UBE2W: variants seen among roughly 807,000 people sequenced by gnomAD.
UBE2W encodes ubiquitin-conjugating enzyme E2 W.
Under a neutral mutation model 27.2 loss-of-function variants are expected in UBE2W, and 18 were observed. The ratio of observed to expected loss-of-function variants is 0.66; its 90% CI spans 0.46 to 0.98. The LOEUF (loss-of-function observed/expected upper bound fraction) is 0.98, where lower values mean the gene tolerates loss of function less well. UBE2W is among the 50% of genes least tolerant of loss of function. The probability of loss-of-function intolerance (pLI) is 0.00; values close to 1 mark genes in which losing one functional copy is unlikely to be tolerated. For synonymous variants in UBE2W, 53 were observed against 57.2 expected (o/e 0.93, Z 0.33); for missense variants, 90 against 180.2 (o/e 0.50, Z 2.87).
intron 1 of UBE2W, among the ~76,000 whole-genome samples, chr8:73,868,259 A>G (rs1363870877): frequency 1.3e-5 from 2 of 152,194 alleles, no homozygotes; most frequent in Non-Finnish European, 1.5e-5. Context: ...TTAATCAATC[A>G]TGCCTAAGTA....
rs1277856074 is a variant in UBE2W, at chr8:73,786,772, A to C, written c.*7330T>G. 7.5e-5 allele frequency: 74 copies of C among 985,296 alleles called. No individual in the cohort carries two copies. The highest frequency in any genetic ancestry group is 8.4e-5 in the Non-Finnish European group (70 of 829,892). The allele number at this position is 985,296 out of a possible 1,614,324, so 61.0% of individuals were successfully genotyped here. A position where few individuals can be genotyped will look rare whatever the true frequency, so the allele number is the denominator to read the frequency against. ...ACTGGAGAGAAGGTAGAAATCTCAG[A>C]GACATTTTAAAGTTACACTCAACAG... On this transcript the variant is annotated 3_prime_UTR_variant, in exon 6 of 6. Coordinates refer to ENST00000602593, the MANE Select transcript of UBE2W (RefSeq NM_018299.6).
rs868313607 is a variant in UBE2W, at chr8:73,792,255, T to C, written c.*1847A>G. ...ATTGTGAGAATTTATCTAGTCAAGA[T>C]AGAACAAAAACGGTTATAATTTTTT... On this transcript the variant is annotated 3_prime_UTR_variant, in exon 6 of 6. Transcript: ENST00000602593. The C allele has an allele frequency of 1.8e-5, 18 of 985,528 alleles. No homozygotes were observed. The highest frequency in any genetic ancestry group is 5.2e-4 in the Middle Eastern group (1 of 1,934). The allele number at this position is 985,528 out of a possible 1,614,324, so 61.0% of individuals were successfully genotyped here.
chr8:73,798,697 C>T (rs2130852100), intron 5 of UBE2W, among the ~76,000 whole-genome samples: 1 of 152,312 alleles, frequency 6.6e-6, no homozygotes, highest in African/African-American at 2.4e-5. Flanking sequence ...TTTTTATGGT[C>T]TCACAAAGAG....
At chr8:73,824,492 G>A (rs1586482040) in intron 3 of UBE2W, among the ~76,000 whole-genome samples, 1 of 152,156 alleles carries the variant, frequency 6.6e-6, no homozygotes, top group East Asian at 1.9e-4. Context: ...TCTACCATCT[G>A]ACCTAGGAGA....
chr8:73,850,040 A>C (rs984632066), intron 1 of UBE2W, among the ~76,000 whole-genome samples: 1 of 152,186 alleles, frequency 6.6e-6, no homozygotes, highest in African/African-American at 2.4e-5. Flanking sequence ...AGAAGATTTT[A>C]GTAACACCTC....
chr8:73,833,587 T>C (rs1810183298), intron 1 of UBE2W, among the ~76,000 whole-genome samples: 2 of 152,140 alleles, frequency 1.3e-5, no homozygotes, highest in African/African-American at 2.4e-5. Flanking sequence ...TTTGTACAGC[T>C]TTTATTGTAC....
intron 1 of UBE2W, among the ~76,000 whole-genome samples, chr8:73,857,111 A>C (rs187187978): frequency 7.2e-5 from 11 of 152,300 alleles, no homozygotes; most frequent in African/African-American, 2.6e-4. Context: ...TTTTTAATTC[A>C]AGGAAGAAAG....
intron 4 of UBE2W, among the ~76,000 whole-genome samples, chr8:73,809,184 G>A (rs907907507): frequency 1.3e-5 from 2 of 151,942 alleles, no homozygotes; most frequent in African/African-American, 4.8e-5. Context: ...CAACAAATGA[G>A]TAAAAAAACA....
rs555422934 is a variant in UBE2W, at chr8:73,865,132, T to C, written c.15+13676A>G. 2.2e-5 allele frequency among the ~76,000 whole-genome samples: 3 copies of C among 136,410 alleles called. No individual in the cohort carries two copies. In the South Asian group the frequency reaches 6.7e-4, roughly 30 times the overall value. 89.5% of individuals were successfully genotyped at this position (136,410 alleles called of 152,430 possible). On this transcript the variant is annotated intron_variant, in intron 1 of 5. Transcript: ENST00000602593. ...TCTTGTTTGACCTCAGCTGGGAGTG[T>C]GTGCATAGAATGACAAATTCTTCAC...
intron 1 of UBE2W, among the ~76,000 whole-genome samples, chr8:73,868,675 C>G (rs1401574409): frequency 1.3e-5 from 2 of 150,400 alleles, no homozygotes; most frequent in Non-Finnish European, 2.9e-5. Flanking sequence ...TGCAGAACAC[C>G]CAGCTGGTGT....
intron 1 of UBE2W, among the ~76,000 whole-genome samples, chr8:73,873,012 T>C (rs1212641791): frequency 6.6e-6 from 1 of 151,940 alleles, no homozygotes; most frequent in African/African-American, 2.4e-5. Flanking sequence ...CCCAAGGGAT[T>C]CTCCTGCCTC....
chr8:73,849,512 C>CAAAAAAAAAAAA (rs71269951), intron 1 of UBE2W, among the ~76,000 whole-genome samples: 1 of 22,772 alleles, frequency 4.4e-5, no homozygotes, highest in African/African-American at 1.5e-4. Flanking sequence ...AACTCCATCT[C>CAAAAAAAAAAAA]AAAAAAAAAA....
At chr8:73,876,450 T>G (rs189110727) in intron 1 of UBE2W, among the ~76,000 whole-genome samples, 7 of 152,138 alleles carry the variant, frequency 4.6e-5, no homozygotes, top group Non-Finnish European at 7.4e-5. Context: ...GCACTAGATA[T>G]TTTAAAATAC....
chr8:73,859,904 C>G (rs118097234), intron 1 of UBE2W, among the ~76,000 whole-genome samples: 2,285 of 152,288 alleles, frequency 0.015, 23 homozygotes, highest in Non-Finnish European at 0.023. Context: ...ACTCCCATCT[C>G]CCCTAAGCAC....
rs186624376 is a variant in UBE2W, at chr8:73,803,088, G to T, written c.442+2563C>A. ...AAAAATCAGCTGGGCATGGTGGCGC[G>T]CCTGTAATCCCAGCTACTAGGGAGG... On this transcript the variant is annotated intron_variant, in intron 5 of 5. Transcript: ENST00000602593. 2.0e-5 allele frequency among the ~76,000 whole-genome samples: 3 copies of T among 151,880 alleles called. 1 individual carries two copies. In the East Asian group the frequency reaches 5.8e-4, roughly 29 times the overall value.
Position 73,861,972 on chromosome 8 carries a change from G to A in UBE2W, c.15+16836C>T, listed in dbSNP as rs1811551358. Among the ~76,000 whole-genome samples, 3 of 152,286 alleles carry A rather than the reference G, an allele frequency of 2.0e-5. No homozygotes were observed. In the South Asian group the frequency reaches 6.2e-4, roughly 32 times the overall value. ...AACAAATATAGATCTTTCCAATCTC[G>A]AATTTGATTCTTAAATCTTTCAAGA... On this transcript the variant is annotated intron_variant, in intron 1 of 5. Transcript: ENST00000602593.
At chr8:73,862,811 A>G (rs1811583468) in intron 1 of UBE2W, among the ~76,000 whole-genome samples, 1 of 137,570 alleles carries the variant, frequency 7.3e-6, no homozygotes, top group Non-Finnish European at 1.5e-5. Flanking sequence ...TATGCAGCCA[A>G]AAAACACATG....
rs1475215249 is a variant in UBE2W, at chr8:73,789,793, G to A, written c.*4309C>T. ...GTGGAGATTGAAATGAGCCAAGATCGTGCACTGCACTAAAGCCCGGGTGAC... is the reference window on the plus strand; with the variant it reads ...GTGGAGATTGAAATGAGCCAAGATCATGCACTGCACTAAAGCCCGGGTGAC... On this transcript the variant is annotated 3_prime_UTR_variant, in exon 6 of 6. Coordinates refer to ENST00000602593, the MANE Select transcript of UBE2W (RefSeq NM_018299.6). 9 of 541,296 alleles carry A rather than the reference G, an allele frequency of 1.7e-5. No individual in the cohort carries two copies. Among genetic ancestry groups the A allele is most frequent in the Non-Finnish European group, 1.9e-5 (8 of 424,634 alleles). The allele number at this position is 541,296 out of a possible 1,614,324, so 33.5% of individuals were successfully genotyped here. A position where few individuals can be genotyped will look rare whatever the true frequency, so the allele number is the denominator to read the frequency against.
intron 1 of UBE2W, among the ~76,000 whole-genome samples, chr8:73,864,450 G>A (rs1011212800): frequency 6.6e-6 from 1 of 152,114 alleles, no homozygotes; most frequent in African/African-American, 2.4e-5. Flanking sequence ...CTACAAAGTT[G>A]TGGCAAACAC....
Sources: gnomAD v4.1 joint callset for allele counts (sites outside exome capture counted in the v4.1 genomes callset) on GRCh38, gnomAD v4.1.1 for gene constraint, MANE v1.5 for transcripts, NCBI Gene and HGNC (gene_info 2026-07-23, HGNC 2026-07-21) for gene names.